Variants in KIT observed in about 807,000 individuals in gnomAD.
The protein encoded by KIT is KIT proto-oncogene, receptor tyrosine kinase.
A neutral mutation model predicts 105.7 loss-of-function variants in KIT; 16 were observed. The ratio of observed to expected loss-of-function variants is 0.15; its 90% CI spans 0.10 to 0.23. The LOEUF (loss-of-function observed/expected upper bound fraction) is 0.23, where lower values mean the gene tolerates loss of function less well. Among genes scored for constraint, KIT ranks in the 10% least tolerant of loss-of-function variants. KIT has a pLI of 1.00. For missense variants in KIT, 858 were observed against 1,213.8 expected, an observed-to-expected ratio of 0.71 and a Z score of 4.36; for synonymous variants, 438 against 441.1, an observed-to-expected ratio of 0.99 and a Z score of 0.09.
At chr4:54,713,011 A>G (rs895790202) in intron 7 of KIT, among the ~76,000 whole-genome samples, 2 of 152,158 alleles carry the variant, frequency 1.3e-5, no homozygotes, top group Admixed American at 6.5e-5. Flanking sequence ...TAAACTGTCT[A>G]TGAGGTACGT....
intron 1 of KIT, among the ~76,000 whole-genome samples, chr4:54,690,069 G>C (rs113925189): frequency 6.9e-6 from 1 of 144,626 alleles, no homozygotes; most frequent in Non-Finnish European, 1.5e-5. Flanking sequence ...GGGGGGGGGG[G>C]GCTGTGTAAT....
chr4:54,658,415 G>C (rs1240921719), intron 1 of KIT, among the ~76,000 whole-genome samples: 1 of 152,118 alleles, frequency 6.6e-6, no homozygotes, highest in Non-Finnish European at 1.5e-5. Flanking sequence ...GGGGGGCGGA[G>C]GCGGGGGGCT....
At chr4:54,661,471 C>G (rs1717265517) in intron 1 of KIT, among the ~76,000 whole-genome samples, 1 of 152,164 alleles carries the variant, frequency 6.6e-6, no homozygotes, top group East Asian at 1.9e-4. Flanking sequence ...GGAAATGAAC[C>G]TCGGTGTCTC....
At position 54,713,300 on chromosome 4, in the gene KIT, C is replaced by T. The variant is rs919324036; in HGVS notation, c.1231+3761C>T. ...CCTAGGTCCCCAAAGTTCATTCTGTCATTCTCATGATTTTGCATCCTCATT... is the reference window on the plus strand; with the variant it reads ...CCTAGGTCCCCAAAGTTCATTCTGTTATTCTCATGATTTTGCATCCTCATT... On this transcript the variant is annotated intron_variant, in intron 7 of 20. Coordinates refer to ENST00000288135, the MANE Select transcript of KIT (RefSeq NM_000222.3). 3.9e-5 allele frequency among the ~76,000 whole-genome samples: 6 copies of T among 152,140 alleles called. No homozygotes were observed. In the East Asian group the frequency reaches 5.8e-4, roughly 15 times the overall value.
intron 7 of KIT, among the ~76,000 whole-genome samples, chr4:54,710,756 G>A (rs1721102781): frequency 6.6e-6 from 1 of 152,142 alleles, no homozygotes. Context: ...TGGCCAGGAT[G>A]GTCTTGAACT....
chr4:54,727,584 A>T (rs1355489240), intron 11 of KIT, 42 bp downstream of exon 11: 2 of 1,613,270 alleles, frequency 1.2e-6, no homozygotes, highest in Admixed American at 3.3e-5. Context: ...CTTTTTGGGT[A>T]CACATAACAG....
intron 1 of KIT, among the ~76,000 whole-genome samples, chr4:54,693,885 C>T (rs1577950035): frequency 6.6e-6 from 1 of 152,164 alleles, no homozygotes. Context: ...ATATGGCCTT[C>T]CTCTGACAAT....
chr4:54,728,369 A>C (rs1322191093), intron 13 of KIT, among the ~76,000 whole-genome samples: 1 of 152,190 alleles, frequency 6.6e-6, no homozygotes, highest in East Asian at 1.9e-4. Context: ...CAACGACATC[A>C]GCCTCTTGAA....
At chr4:54,679,425 CTTA>C (rs974299276) in intron 1 of KIT, among the ~76,000 whole-genome samples, 1 of 152,100 alleles carries the variant, frequency 6.6e-6, no homozygotes, top group Non-Finnish European at 1.5e-5. Flanking sequence ...ACTTGTTTTT[CTTA>C]TTAATAATTT....
At chr4:54,738,299 A>G in intron 20 of KIT, 130 bp from the exon 21 acceptor site, 2 of 1,147,170 alleles carry the variant, frequency 1.7e-6, no homozygotes, top group Non-Finnish European at 2.6e-6. Flanking sequence ...TTGGCCACAA[A>G]GTTCTTGGAA....
intron 1 of KIT, among the ~76,000 whole-genome samples, chr4:54,687,941 C>G (rs1719433893): frequency 6.6e-6 from 1 of 152,140 alleles, no homozygotes; most frequent in African/African-American, 2.4e-5. Flanking sequence ...GCATCTAGTT[C>G]TGGTTACACA....
intron 1 of KIT, among the ~76,000 whole-genome samples, chr4:54,683,220 T>G (rs1354038273): frequency 6.6e-6 from 1 of 152,228 alleles, no homozygotes; most frequent in African/African-American, 2.4e-5. Context: ...CTTTGTCAAA[T>G]GAGAAAAACA....
At chr4:54,691,621 G>C (rs1022630669) in intron 1 of KIT, among the ~76,000 whole-genome samples, 1 of 152,124 alleles carries the variant, frequency 6.6e-6, no homozygotes, top group East Asian at 1.9e-4. Context: ...CTTTAAAGTT[G>C]TAAGAGCTGC....
At chr4:54,731,810 T>C (rs1722612963) in intron 15 of KIT, 61 bp from the exon 16 acceptor site, 1 of 1,576,824 alleles carries the variant, frequency 6.3e-7, no homozygotes, top group Non-Finnish European at 8.7e-7. Context: ...ATTGCCACTG[T>C]CTTTTCCTTT....
chr4:54,659,225 T>C (rs1344370739), intron 1 of KIT, among the ~76,000 whole-genome samples: 2 of 152,166 alleles, frequency 1.3e-5, no homozygotes, highest in Non-Finnish European at 2.9e-5. Flanking sequence ...ATAACAGAAA[T>C]CCAGGTATAT....
At chr4:54,682,919 A>G (rs1577934747) in intron 1 of KIT, among the ~76,000 whole-genome samples, 1 of 151,154 alleles carries the variant, frequency 6.6e-6, no homozygotes, top group African/African-American at 2.4e-5. Context: ...ACCTGGCTAA[A>G]TTTTGTATTT....
chr4:54,679,913 A>G (rs1227246467), intron 1 of KIT, among the ~76,000 whole-genome samples: 1 of 152,234 alleles, frequency 6.6e-6, no homozygotes, highest in Non-Finnish European at 1.5e-5. Flanking sequence ...GCAAGAGACA[A>G]AAGGACAAAT....
In KIT at chr4:54,659,419, C is replaced by G. The variant is rs552655692; in HGVS notation, c.67+1338C>G. ...TTTAAAACAAACCTTTAAGGTTACC[C>G]TGATGATGTAAGGATAGAAAGTGAG... On this transcript the variant is annotated intron_variant, in intron 1 of 20. Transcript: ENST00000288135. Among the ~76,000 whole-genome samples the G allele has an allele frequency of 8.1e-4, 124 of 152,272 alleles. 1 individual carries two copies. Among genetic ancestry groups the G allele is most frequent in the Non-Finnish European group, 1.5e-3 (104 of 68,016 alleles).
chr4:54,702,352 TA>T (rs1212691868), intron 4 of KIT, among the ~76,000 whole-genome samples: 1 of 152,106 alleles, frequency 6.6e-6, no homozygotes. Context: ...ATAATGTAAT[TA>T]ACATAAAAAT....
Sources: allele counts gnomAD v4.1 joint callset (sites outside exome capture counted in the v4.1 genomes callset), GRCh38; gene constraint gnomAD v4.1.1; transcripts MANE v1.5; gene names NCBI Gene and HGNC (gene_info 2026-07-23, HGNC 2026-07-21).